The following SKAP2 variants were observed in gnomAD, a reference collection of about 807,000 sequenced individuals.
The protein encoded by SKAP2 is src kinase associated phosphoprotein 2.
A neutral mutation model predicts 54.9 loss-of-function variants in SKAP2; 28 were observed. The observed-to-expected ratio is 0.51, with a 90% CI of 0.38 to 0.70. The LOEUF is 0.70. SKAP2 is among the 30% of genes least tolerant of loss of function. The probability of loss-of-function intolerance (pLI) is 0.00; values close to 1 mark genes in which losing one functional copy is unlikely to be tolerated. For missense variants in SKAP2, 356 were observed against 424.1 expected (o/e 0.84, Z 1.41); for synonymous variants, 137 against 134.3 (o/e 1.02, Z -0.14).
intron 9 of SKAP2, among the ~76,000 whole-genome samples, chr7:26,693,077 AT>A (rs1786820040): frequency 6.6e-6 from 1 of 152,170 alleles, no homozygotes; most frequent in South Asian, 2.1e-4. Flanking sequence ...CACGCCTGTA[AT>A]CCCAGCACTT....
intron 4 of SKAP2, among the ~76,000 whole-genome samples, chr7:26,764,773 G>T (rs1430189429): frequency 6.6e-6 from 1 of 151,978 alleles, no homozygotes; most frequent in Non-Finnish European, 1.5e-5. Flanking sequence ...GGAGGGTCTC[G>T]ATCTCCTGAC....
intron 4 of SKAP2, among the ~76,000 whole-genome samples, chr7:26,776,929 G>A (rs1238117764): frequency 6.6e-6 from 1 of 152,078 alleles, no homozygotes; most frequent in Admixed American, 6.5e-5. Context: ...TCTACATCCT[G>A]TGCTGTCATC....
chr7:26,758,625 A>G (rs1265121630), intron 4 of SKAP2, among the ~76,000 whole-genome samples: 1 of 152,146 alleles, frequency 6.6e-6, no homozygotes, highest in Non-Finnish European at 1.5e-5. Context: ...CTTACCCTTT[A>G]AGATACAACT....
At chr7:26,844,880 G>A (rs1378037744) in intron 3 of SKAP2, among the ~76,000 whole-genome samples, 1 of 151,920 alleles carries the variant, frequency 6.6e-6, no homozygotes, top group East Asian at 1.9e-4. Context: ...TTCGTTGGTC[G>A]ATTTTTTGAT....
chr7:26,722,945 T>C (rs1328200438), intron 9 of SKAP2, among the ~76,000 whole-genome samples: 1 of 152,144 alleles, frequency 6.6e-6, no homozygotes, highest in African/African-American at 2.4e-5. Flanking sequence ...TGACAGAAAA[T>C]TGTGTTGAAA....
intron 4 of SKAP2, among the ~76,000 whole-genome samples, chr7:26,811,433 A>G (rs1464286099): frequency 1.3e-5 from 2 of 152,036 alleles, no homozygotes; most frequent in African/African-American, 2.4e-5. Flanking sequence ...AAACCACACC[A>G]TCTTTCTCTT....
chr7:26,842,896 C>T (rs181731002), intron 4 of SKAP2, among the ~76,000 whole-genome samples: 18 of 151,898 alleles, frequency 1.2e-4, no homozygotes, highest in Middle Eastern at 6.8e-3. Flanking sequence ...AAAAAACCCT[C>T]CCTTTAAAAA....
chr7:26,711,216 A>G (rs1787295000), intron 9 of SKAP2, among the ~76,000 whole-genome samples: 1 of 152,184 alleles, frequency 6.6e-6, no homozygotes, highest in African/African-American at 2.4e-5. Context: ...TAGAGGAAAT[A>G]ATGGCCAAGA....
At chr7:26,803,040 T>G (rs1370310229) in intron 4 of SKAP2, among the ~76,000 whole-genome samples, 1 of 152,020 alleles carries the variant, frequency 6.6e-6, no homozygotes, top group African/African-American at 2.4e-5. Context: ...TGGAGAAAAT[T>G]TCCAGGACAT....
intron 4 of SKAP2, among the ~76,000 whole-genome samples, chr7:26,784,617 A>G (rs1783500879): frequency 6.6e-6 from 1 of 152,228 alleles, no homozygotes; most frequent in East Asian, 1.9e-4. Context: ...AACTGGATAT[A>G]AATCAACATG....
At chr7:26,799,884 T>A (rs774850709) in intron 4 of SKAP2, among the ~76,000 whole-genome samples, 1 of 151,954 alleles carries the variant, frequency 6.6e-6, no homozygotes, top group Admixed American at 6.6e-5. Flanking sequence ...TTTGGGAGGC[T>A]GAGGCAGGTG....
At chr7:26,663,937 G>A (rs77137460), downstream of SKAP2, among the ~76,000 whole-genome samples, 573 of 152,190 alleles carry the variant, frequency 3.8e-3, 2 homozygotes, top group African/African-American at 0.013. Flanking sequence ...TGATAACCAT[G>A]GTATGCTTTC....
chr7:26,834,669 C>T (rs1784667949), intron 4 of SKAP2, among the ~76,000 whole-genome samples: 1 of 152,156 alleles, frequency 6.6e-6, no homozygotes, highest in South Asian at 2.1e-4. Flanking sequence ...TCTGAATAGA[C>T]CCATAACAAG....
chr7:26,854,018 A>G, intron 3 of SKAP2, 119 bp downstream of exon 3: 1 of 659,556 alleles, frequency 1.5e-6, no homozygotes, highest in Non-Finnish European at 2.6e-6. Context: ...GTCTAAGTAC[A>G]CATTACGGAA....
At chr7:26,732,112 C>T (rs1211945889) in intron 6 of SKAP2, among the ~76,000 whole-genome samples, 2 of 152,164 alleles carry the variant, frequency 1.3e-5, no homozygotes, top group African/African-American at 4.8e-5. Flanking sequence ...CTTAGTTTTC[C>T]ATCACAGAAG....
intron 4 of SKAP2, among the ~76,000 whole-genome samples, chr7:26,776,880 C>T (rs906892325): frequency 6.6e-6 from 1 of 152,154 alleles, no homozygotes; most frequent in African/African-American, 2.4e-5. Context: ...CAAAATCTAT[C>T]TCTTGTCTAC....
intron 4 of SKAP2, among the ~76,000 whole-genome samples, chr7:26,752,317 T>G (rs1782703468): frequency 6.6e-6 from 1 of 152,198 alleles, no homozygotes; most frequent in Non-Finnish European, 1.5e-5. Flanking sequence ...CCCATGGTTC[T>G]CAATGTCCTC....
chr7:26,855,941 T>C (rs1323020252), intron 1 of SKAP2, among the ~76,000 whole-genome samples: 2 of 152,110 alleles, frequency 1.3e-5, no homozygotes, highest in African/African-American at 4.8e-5. Context: ...CTACTTTGTA[T>C]AGCATCAAAA....
intron 4 of SKAP2, among the ~76,000 whole-genome samples, chr7:26,806,183 A>G (rs1265950379): frequency 6.6e-6 from 1 of 152,174 alleles, no homozygotes; most frequent in African/African-American, 2.4e-5. Flanking sequence ...TCCCTGAGAC[A>G]TAACAATATT....
Sources: allele counts gnomAD v4.1 joint callset (sites outside exome capture counted in the v4.1 genomes callset), GRCh38; gene constraint gnomAD v4.1.1; transcripts MANE v1.5; gene names NCBI Gene and HGNC (gene_info 2026-07-23, HGNC 2026-07-21).